The following AGO4 variants were observed in gnomAD, a reference collection of about 807,000 sequenced individuals.
AGO4 encodes argonaute RISC component 4, also known as protein argonaute-4.
In AGO4, 33 loss-of-function variants were observed where a neutral mutation model predicts 104.7. That is an observed-to-expected ratio of 0.32 (90% CI 0.24 to 0.42). The LOEUF (loss-of-function observed/expected upper bound fraction) is 0.42, where lower values mean the gene tolerates loss of function less well. AGO4 is among the 10% of genes least tolerant of loss of function. AGO4 has a pLI of 1.00. For synonymous variants in AGO4, 331 were observed against 364.7 expected (o/e 0.91, Z 1.05); for missense variants, 711 against 1,083.4 (o/e 0.66, Z 4.83).
In AGO4 at chr1:35,811,727, C is replaced by T. The variant is rs899091484; in HGVS notation, c.19+3292C>T. 7.9e-5 allele frequency among the ~76,000 whole-genome samples: 12 copies of T among 151,988 alleles called. No individual in the cohort carries two copies. The East Asian group carries it at 2.2e-3, about 27-fold the overall frequency. On this transcript the variant is annotated intron_variant, in intron 1 of 17. Transcript: ENST00000373210. ...CAAGCAGTTCTCTGCCTCAGCCTCC[C>T]GAGTAGCTGGGATTACAGGCACCCA...
At chr1:35,830,240 A>G (rs938096061) in intron 7 of AGO4, among the ~76,000 whole-genome samples, 1 of 151,894 alleles carries the variant, frequency 6.6e-6, no homozygotes, top group African/African-American at 2.4e-5. Context: ...TATCTTAATT[A>G]TGCCAAATAT....
rs763045903 is a variant in AGO4, at chr1:35,841,621, T to A, written c.2046T>A (p.Ala682=). Residue 682 remains alanine (A), a synonymous_variant, in exon 15 of 18, where the codon GCT becomes GCA. Coordinates refer to ENST00000373210, the MANE Select transcript of AGO4 (RefSeq NM_017629.4). This position sits in a 1 kb window ranked among gnomAD's most constrained non-coding sequence, Gnocchi z 4.7. The part of the protein sequence containing the change: ...GVSEGQMKQV[A]WPELIAIRKA... ...ATTCCATTTCTGTCTTCTAGGTAGC[T>A]TGGCCAGAACTAATAGCAATTCGAA... The A allele has an allele frequency of 2.5e-6, 4 of 1,614,124 alleles. No individual in the cohort carries two copies. Among genetic ancestry groups the A allele is most frequent in the Non-Finnish European group, 2.5e-6 (3 of 1,180,016 alleles).
At chr1:35,848,865 A>G (rs57363060) in intron 15 of AGO4, among the ~76,000 whole-genome samples, 10,245 of 152,240 alleles carry the variant, frequency 0.067, 1,082 homozygotes, top group East Asian at 0.45. Flanking sequence ...AAAAAATGCT[A>G]GAACCAACTA....
chr1:35,822,573 G>C (rs1227622168), intron 2 of AGO4, among the ~76,000 whole-genome samples: 1 of 152,148 alleles, frequency 6.6e-6, no homozygotes, highest in Non-Finnish European at 1.5e-5. Flanking sequence ...TTATAAGGCT[G>C]TGTTTATCAC....
chr1:35,841,509 G>T lies in AGO4; in HGVS notation c.2040+29G>T. ...CTCTCATTATCCCTGTTGCCCTTCG[G>T]GGCCCCTAGGAGTCTGAGGGAGATT... On this transcript the variant is annotated intron_variant, in intron 14 of 17. Coordinates refer to ENST00000373210, the MANE Select transcript of AGO4 (RefSeq NM_017629.4). The surrounding 1 kb of genome is among the most constrained non-coding windows in gnomAD (Gnocchi z 4.7). 1 of 1,608,918 alleles carries T rather than the reference G, an allele frequency of 6.2e-7. No homozygotes were observed. The highest frequency in any genetic ancestry group is 1.1e-5 in the South Asian group (1 of 90,878).
intron 15 of AGO4, among the ~76,000 whole-genome samples, chr1:35,849,273 T>G (rs1644644435): frequency 6.6e-6 from 1 of 152,166 alleles, no homozygotes; most frequent in Non-Finnish European, 1.5e-5. Context: ...ATAAGCTTTG[T>G]TCAAGGTATA....
intron 12 of AGO4, 136 bp from the exon 13 acceptor site, chr1:35,835,698 A>G (rs1644297893): frequency 1.6e-6 from 1 of 640,950 alleles, no homozygotes; most frequent in African/African-American, 1.9e-5. Context: ...GATAAAAGGA[A>G]GACACATGAG....
chr1:35,822,011 C>T (rs114214135), intron 2 of AGO4, among the ~76,000 whole-genome samples: 1 of 151,970 alleles, frequency 6.6e-6, no homozygotes, highest in Non-Finnish European at 1.5e-5. Flanking sequence ...CCTCAGCCCC[C>T]CAAGTACCCG....
Position 35,832,447 on chromosome 1 carries a change from TA to T in AGO4, c.1257del (p.Ala420ProfsTer40). 6.3e-7 allele frequency: 1 copy of T among 1,589,486 alleles called. No individual in the cohort carries two copies. The highest frequency in any genetic ancestry group is 1.1e-5 in the South Asian group (1 of 87,610). ...MLQYGGRNKT[V>X]ATPNQGVWDM... ...TTTTTTTTTTCAAAGAATAAAACAG[TA>T]GCCACACCCAACCAGGGTGTCTGGG... On this transcript the variant is annotated frameshift_variant, in exon 11 of 18. Coordinates refer to ENST00000373210, the MANE Select transcript of AGO4 (RefSeq NM_017629.4). LOFTEE classifies it high-confidence loss of function.
At position 35,814,007 on chromosome 1, in the gene AGO4, G is replaced by A. The variant is rs182514930; in HGVS notation, c.20-2875G>A. 2.8e-3 allele frequency among the ~76,000 whole-genome samples: 415 copies of A among 150,670 alleles called. 2 individuals carry two copies. Among genetic ancestry groups the A allele is most frequent in the African/African-American group, 9.7e-3 (398 of 40,970 alleles). The stretch of plus-strand genomic sequence containing the variant: ...GGAGAATCTCTTGAACCCGGGAGGC[G>A]GAGGTTGCAGTAAGCCGAGATCGCA... On this transcript the variant is annotated intron_variant, in intron 1 of 17. Coordinates refer to ENST00000373210, the MANE Select transcript of AGO4 (RefSeq NM_017629.4).
At chr1:35,851,300 G>T in intron 17 of AGO4, 1 of 513,466 alleles carries the variant, frequency 1.9e-6, no homozygotes, top group Non-Finnish European at 3.5e-6. Context: ...TTCTCCCATG[G>T]AGCCAAATGC....
At chr1:35,846,604 GATATAT>G (rs72414122) in intron 15 of AGO4, among the ~76,000 whole-genome samples, 121 of 140,350 alleles carry the variant, frequency 8.6e-4, no homozygotes, top group East Asian at 1.2e-3. Context: ...CTCAAAAAAA[GATATAT>G]ATATATATAT....
intron 7 of AGO4, among the ~76,000 whole-genome samples, chr1:35,828,849 A>G (rs996460445): frequency 3.9e-5 from 6 of 152,266 alleles, no homozygotes; most frequent in Middle Eastern, 6.8e-3. Context: ...ATCTACTGAA[A>G]ACTGTGCCTC....
chr1:35,850,156 G>T lies in AGO4; in HGVS notation c.2176-1G>T, dbSNP rs1381229364. 1.3e-6 allele frequency: 2 copies of T among 1,563,706 alleles called. No individual in the cohort carries two copies. The highest frequency in any genetic ancestry group is 4.0e-5 in the Admixed American group (2 of 49,430). On this transcript the variant is annotated splice_acceptor_variant, in intron 15 of 17. Transcript: ENST00000373210. LOFTEE classifies it high-confidence loss of function. ...TAATTACTTTTTTTTGTTTTTTGTA[G>T]GTAGGGAAAAGTGGCAATGTACCAG... is the stretch of plus-strand genomic sequence containing the variant.
chr1:35,823,081 G>T, intron 3 of AGO4, 99 bp downstream of exon 3: 1 of 1,408,126 alleles, frequency 7.1e-7, no homozygotes, highest in Non-Finnish European at 9.7e-7. Flanking sequence ...AAACATAAAT[G>T]TTTGAGGTGA....
In AGO4 at chr1:35,850,165, A is replaced by G; in HGVS notation, c.2184A>G (p.Lys728=). 8 of 1,573,548 alleles carry G rather than the reference A, an allele frequency of 5.1e-6. No homozygotes were observed. Among genetic ancestry groups the G allele is most frequent in the Non-Finnish European group, 6.9e-6 (8 of 1,161,314 alleles). The change falls in exon 16 of 18, where the codon AAA becomes AAG. Residue 728 remains lysine, a synonymous_variant. Transcript: ENST00000373210. ...TTTTTTGTTTTTTGTAGGTAGGGAA[A>G]AGTGGCAATGTACCAGCAGGCACTA... ...FCADKTERVG[K]SGNVPAGTTV...
At chr1:35,846,692 C>T (rs1335528124) in intron 15 of AGO4, among the ~76,000 whole-genome samples, 1 of 151,678 alleles carries the variant, frequency 6.6e-6, no homozygotes, top group African/African-American at 2.4e-5. Flanking sequence ...TCAAGTGGTC[C>T]TCCCACCTCA....
intron 15 of AGO4, among the ~76,000 whole-genome samples, chr1:35,842,230 GTCAGTGAATGA>G: frequency 6.6e-6 from 1 of 152,240 alleles, no homozygotes; most frequent in South Asian, 2.1e-4. Context: ...CAGGTGAGTG[GTCAGTGAATGA>G]TCATTACCAC....
chr1:35,857,725 A>G lies in AGO4; in HGVS notation c.*4120A>G, dbSNP rs1344742829. On this transcript the variant is annotated 3_prime_UTR_variant, in exon 18 of 18. Transcript: ENST00000373210. Reference sequence around the variant, plus strand: ...GCAGTACACTGTAATGGCAACATACATGGTTGCTTTATAAAAACAGTTTCC... The same window carrying G: ...GCAGTACACTGTAATGGCAACATACGTGGTTGCTTTATAAAAACAGTTTCC... 6.6e-6 allele frequency: 1 copy of G among 152,246 alleles called. No homozygotes were observed. Among genetic ancestry groups the G allele is most frequent in the East Asian group, 1.9e-4 (1 of 5,200 alleles). 9.4% of individuals were successfully genotyped at this position (152,246 alleles called of 1,614,324 possible). A position where few individuals can be genotyped will look rare whatever the true frequency, so the allele number is the denominator to read the frequency against.
Sources: gnomAD v4.1 joint callset for allele counts (sites outside exome capture counted in the v4.1 genomes callset) on GRCh38, gnomAD v4.1.1 for gene constraint, Gnocchi (gnomAD v3.1) non-coding constraint, MANE v1.5 for transcripts, NCBI Gene and HGNC (gene_info 2026-07-23, HGNC 2026-07-21) for gene names.